The following CALCR variants were observed in gnomAD, a reference collection of about 807,000 sequenced individuals.
The protein encoded by CALCR is calcitonin receptor.
In CALCR, 47 loss-of-function variants were observed where a neutral mutation model predicts 59.5. The ratio of observed to expected loss-of-function variants is 0.79; its 90% CI spans 0.63 to 1.01. CALCR has a LOEUF of 1.01. Ranked by LOEUF, CALCR falls within the 50% of genes least tolerant of loss-of-function variation. The pLI is 0.00. For synonymous variants in CALCR, 213 were observed against 211.3 expected (o/e 1.01, Z -0.07); for missense variants, 566 against 597.1 (o/e 0.95, Z 0.54).
At chr7:93,547,691 G>A (rs1584623010) in intron 2 of CALCR, among the ~76,000 whole-genome samples, 1 of 152,120 alleles carries the variant, frequency 6.6e-6, no homozygotes. Flanking sequence ...ATAATCCCAC[G>A]CAATTATGTT....
chr7:93,546,670 GC>G (rs1297230781), intron 2 of CALCR, among the ~76,000 whole-genome samples: 1 of 151,280 alleles, frequency 6.6e-6, no homozygotes, highest in Non-Finnish European at 1.5e-5. Context: ...TCCCACCTCA[GC>G]CTCCTGAGTA....
intron 12 of CALCR, among the ~76,000 whole-genome samples, chr7:93,435,667 G>A (rs952167311): frequency 7.2e-5 from 11 of 151,946 alleles, no homozygotes; most frequent in Admixed American, 2.6e-4. Flanking sequence ...TTAGCCAGGC[G>A]TGGTAGCGCA....
chr7:93,541,076 C>T (rs1028140300), intron 2 of CALCR, among the ~76,000 whole-genome samples: 8 of 152,052 alleles, frequency 5.3e-5, no homozygotes, highest in Non-Finnish European at 7.4e-5. Context: ...ATGATTGCCA[C>T]GCAAATGCAC....
rs536417474 is a variant in CALCR, at chr7:93,548,207, A to T, written c.-27+26082T>A. Among the ~76,000 whole-genome samples the T allele has an allele frequency of 2.6e-5, 4 of 152,298 alleles. No individual in the cohort carries two copies. The East Asian group carries it at 7.7e-4, about 29-fold the overall frequency. On this transcript the variant is annotated intron_variant, in intron 2 of 13. Transcript: ENST00000426151. ...ACACCCTTCTCCCACTTTACAAAAG[A>T]ACAAACAAAACAATAGCCCACCTCT... is the stretch of plus-strand genomic sequence containing the variant.
chr7:93,501,510 A>C (rs922053726), intron 2 of CALCR, among the ~76,000 whole-genome samples: 1 of 152,092 alleles, frequency 6.6e-6, no homozygotes, highest in Non-Finnish European at 1.5e-5. Flanking sequence ...AATCTGAACT[A>C]ATGTGATTTT....
chr7:93,572,473 A>C (rs1014356600), intron 2 of CALCR, among the ~76,000 whole-genome samples: 2 of 152,164 alleles, frequency 1.3e-5, no homozygotes, highest in Non-Finnish European at 2.9e-5. Flanking sequence ...TTCTCCTATT[A>C]ACCCTAATTT....
chr7:93,473,868 G>A (rs779903235), intron 5 of CALCR, among the ~76,000 whole-genome samples: 5 of 151,616 alleles, frequency 3.3e-5, no homozygotes, highest in Non-Finnish European at 7.4e-5. Flanking sequence ...GCTGGTTACA[G>A]TATGATAAAG....
intron 13 of CALCR, among the ~76,000 whole-genome samples, chr7:93,430,098 AT>A (rs67589684): frequency 0.64 from 95,453 of 150,194 alleles, 30,964 homozygotes; most frequent in East Asian, 0.88. Context: ...AGCCCGGCTA[AT>A]TTTTTTTTTG....
chr7:93,483,462 C>T (rs13309206), intron 3 of CALCR, among the ~76,000 whole-genome samples: 3 of 138,960 alleles, frequency 2.2e-5, no homozygotes, highest in African/African-American at 9.1e-5. Context: ...GATAGACAGA[C>T]AGATAGATAG....
At chr7:93,488,582 GAAAAA>G (rs1554401502) in intron 2 of CALCR, among the ~76,000 whole-genome samples, 1 of 78,036 alleles carries the variant, frequency 1.3e-5, no homozygotes, top group African/African-American at 5.0e-5. Context: ...CAAATGGAAA[GAAAAA>G]AAAAAAAAAA....
At chr7:93,481,509 A>G (rs547446130) in intron 3 of CALCR, among the ~76,000 whole-genome samples, 7 of 151,010 alleles carry the variant, frequency 4.6e-5, no homozygotes, top group Non-Finnish European at 1.0e-4. Context: ...ATATTTGGGG[A>G]AAAAAATAGT....
intron 7 of CALCR, among the ~76,000 whole-genome samples, chr7:93,467,765 A>G (rs929224033): frequency 2.0e-5 from 3 of 151,530 alleles, no homozygotes; most frequent in Non-Finnish European, 3.0e-5. Context: ...GCTTTTCTTT[A>G]TCATTTCTGT....
intron 2 of CALCR, among the ~76,000 whole-genome samples, chr7:93,546,555 T>A (rs1789290592): frequency 6.6e-6 from 1 of 151,676 alleles, no homozygotes; most frequent in African/African-American, 2.4e-5. Flanking sequence ...AGTGAGTGAC[T>A]TTTTGTTTTC....
At chr7:93,457,147 T>C (rs1800224816) in intron 8 of CALCR, among the ~76,000 whole-genome samples, 1 of 152,006 alleles carries the variant, frequency 6.6e-6, no homozygotes, top group Non-Finnish European at 1.5e-5. Flanking sequence ...CAAGAGCAAT[T>C]AATAGAGTAA....
At chr7:93,531,118 T>C (rs911264998) in intron 2 of CALCR, among the ~76,000 whole-genome samples, 11 of 152,078 alleles carry the variant, frequency 7.2e-5, no homozygotes, top group African/African-American at 2.4e-4. Context: ...ATTATAGTTT[T>C]ATTATATTTA....
chr7:93,541,967 G>T (rs906986443), intron 2 of CALCR, among the ~76,000 whole-genome samples: 1 of 152,018 alleles, frequency 6.6e-6, no homozygotes, highest in Non-Finnish European at 1.5e-5. Flanking sequence ...ACACAGTATG[G>T]CTGATTACAT....
intron 2 of CALCR, among the ~76,000 whole-genome samples, chr7:93,541,457 C>T (rs766566513): frequency 1.2e-4 from 18 of 152,088 alleles, no homozygotes; most frequent in East Asian, 3.8e-4. Flanking sequence ...CCACCGCACC[C>T]GGCCTTTATC....
At position 93,448,763 on chromosome 7, in the gene CALCR, C is replaced by T. The variant is rs528174241; in HGVS notation, c.649-5006G>A. ...TGAAAATTTATAAGGAACAGATTAG[C>T]AGATTCTGCCAAAGTCAAACACATT... On this transcript the variant is annotated intron_variant, in intron 8 of 13. Coordinates refer to ENST00000426151, the MANE Select transcript of CALCR (RefSeq NM_001742.4). 9.9e-5 allele frequency among the ~76,000 whole-genome samples: 15 copies of T among 152,110 alleles called. 1 individual carries two copies. The South Asian group carries it at 3.1e-3, about 32-fold the overall frequency.
intron 3 of CALCR, among the ~76,000 whole-genome samples, chr7:93,485,722 T>C (rs1172793840): frequency 1.3e-5 from 2 of 151,560 alleles, no homozygotes; most frequent in African/African-American, 4.8e-5. Context: ...TTATTATATT[T>C]CCAGTGACAT....
Sources: allele counts gnomAD v4.1 joint callset (sites outside exome capture counted in the v4.1 genomes callset), GRCh38; gene constraint gnomAD v4.1.1; transcripts MANE v1.5; gene names NCBI Gene and HGNC (gene_info 2026-07-23, HGNC 2026-07-21).